ATP8B4: variants seen among roughly 807,000 people sequenced by gnomAD.
The protein encoded by ATP8B4 is probable phospholipid-transporting ATPase IM.
ATP8B4 carries 133 observed loss-of-function variants against 145.6 expected under a neutral mutation model. The ratio of observed to expected loss-of-function variants is 0.91; its 90% CI spans 0.79 to 1.05. The LOEUF is 1.05. ATP8B4 is among the 50% of genes least tolerant of loss of function. ATP8B4 has a pLI of 0.00. For missense variants in ATP8B4, 1,458 were observed against 1,425.2 expected, an observed-to-expected ratio of 1.02 and a Z score of -0.37; for synonymous variants, 507 against 492.9, an observed-to-expected ratio of 1.03 and a Z score of -0.38.
At position 49,914,396 on chromosome 15, in the gene ATP8B4, C is replaced by A. The variant is rs556994285; in HGVS notation, c.2141+2538G>T. On this transcript the variant is annotated intron_variant, in intron 20 of 27. Coordinates refer to ENST00000284509, the MANE Select transcript of ATP8B4 (RefSeq NM_024837.4). Reference sequence around the variant, plus strand: ...CTACTAGAAGATAACATAGGGAAAACAACTTCCAGACACTGGTCTCTAGGC... The same window carrying A: ...CTACTAGAAGATAACATAGGGAAAAAAACTTCCAGACACTGGTCTCTAGGC... Among the ~76,000 whole-genome samples the A allele has an allele frequency of 1.2e-3, 182 of 152,182 alleles. 4 individuals are homozygous for A. The South Asian group carries it at 0.037, about 31-fold the overall frequency.
chr15:50,078,544 T>C (rs1014400403), intron 2 of ATP8B4, among the ~76,000 whole-genome samples: 16 of 147,078 alleles, frequency 1.1e-4, no homozygotes, highest in African/African-American at 4.0e-4. Context: ...AGGAGGAAAA[T>C]GTGAAAAAAA....
intron 2 of ATP8B4, among the ~76,000 whole-genome samples, chr15:50,084,893 T>C (rs2153646010): frequency 6.6e-6 from 1 of 152,290 alleles, no homozygotes; most frequent in African/African-American, 2.4e-5. Context: ...ACCTCCATCA[T>C]TCAGGATATT....
rs759074610 is a variant in ATP8B4 at position 50,049,617 on chromosome 15, T to G, written c.88-2153A>C. Among the ~76,000 whole-genome samples, 5 of 152,200 alleles carry G rather than the reference T, an allele frequency of 3.3e-5. 1 individual carries two copies. Among genetic ancestry groups the G allele is most frequent in the Non-Finnish European group, 7.3e-5 (5 of 68,034 alleles). On this transcript the variant is annotated intron_variant, in intron 3 of 27. Coordinates refer to ENST00000284509, the MANE Select transcript of ATP8B4 (RefSeq NM_024837.4). The stretch of plus-strand genomic sequence containing the variant: ...AATAGTGCCGTAATGAACATACAAG[T>G]GCATGTGTCTTTATGGTAGAACGAT...
chr15:50,071,791 C>G (rs2053754611), intron 3 of ATP8B4, among the ~76,000 whole-genome samples: 1 of 152,152 alleles, frequency 6.6e-6, no homozygotes, highest in African/African-American at 2.4e-5. Context: ...TGATCAGCCT[C>G]CTGAGAGGGA....
At chr15:49,861,394 A>T (rs915328476) in intron 27 of ATP8B4, among the ~76,000 whole-genome samples, 2 of 144,656 alleles carry the variant, frequency 1.4e-5, no homozygotes, top group Non-Finnish European at 3.0e-5. Context: ...CATCATGATT[A>T]AAAAAAAATG....
chr15:50,064,685 C>A (rs1296810871), intron 3 of ATP8B4, among the ~76,000 whole-genome samples: 1 of 152,114 alleles, frequency 6.6e-6, no homozygotes, highest in Non-Finnish European at 1.5e-5. Context: ...AACAAAATAC[C>A]TGAGACTGGT....
chr15:49,917,216 G>A, intron 19 of ATP8B4, 177 bp from the exon 20 acceptor site: 1 of 547,922 alleles, frequency 1.8e-6, no homozygotes, highest in Non-Finnish European at 3.2e-6. Flanking sequence ...AAAGACCTGG[G>A]TTTCAGGATC....
chr15:50,111,764 G>A (rs2056957880), intron 1 of ATP8B4, among the ~76,000 whole-genome samples: 1 of 152,204 alleles, frequency 6.6e-6, no homozygotes, highest in South Asian at 2.1e-4. Context: ...TTTGATATTA[G>A]TTATCTTAAA....
At chr15:49,942,676 T>C (rs2042253155) in intron 14 of ATP8B4, among the ~76,000 whole-genome samples, 1 of 151,382 alleles carries the variant, frequency 6.6e-6, no homozygotes, top group Non-Finnish European at 1.5e-5. Flanking sequence ...ATACAAAAAA[T>C]TAGCTGGACG....
intron 1 of ATP8B4, among the ~76,000 whole-genome samples, chr15:50,160,014 G>GATTTT (rs1567412781): frequency 3.3e-5 from 1 of 29,874 alleles, no homozygotes; most frequent in East Asian, 1.4e-3. Flanking sequence ...TCAGGTCCTG[G>GATTTT]CTTTTTTTTT....
At chr15:49,869,350 T>C (rs2033336309) in intron 25 of ATP8B4, among the ~76,000 whole-genome samples, 1 of 151,708 alleles carries the variant, frequency 6.6e-6, no homozygotes, top group Non-Finnish European at 1.5e-5. Flanking sequence ...ATAATAAAAA[T>C]GAGTAGCTTA....
chr15:49,972,590 C>A lies in ATP8B4; in HGVS notation c.1235G>T (p.Arg412Ile). Residue 412 changes from arginine (R) to isoleucine (I), a missense_variant, in exon 13 of 28, where the codon AGA becomes ATA. Arg to Ile is a moderately conservative substitution (Grantham distance 97). Transcript: ENST00000284509. ...GGAACTGTTTCTCTTACCATAGATT[C>A]TCCCATTAATGGAACATCTTTTAAA... Reference protein sequence around the residue: ...MTFKRCSINGRIYGEVHDDLD... With the variant: ...MTFKRCSINGIIYGEVHDDLD... 1.9e-6 allele frequency: 3 copies of A among 1,612,096 alleles called. No homozygotes were observed. Among genetic ancestry groups the A allele is most frequent in the Non-Finnish European group, 2.5e-6 (3 of 1,178,482 alleles).
intron 2 of ATP8B4, among the ~76,000 whole-genome samples, chr15:50,084,216 G>A (rs1324321200): frequency 6.6e-6 from 1 of 152,114 alleles, no homozygotes. Context: ...ACTAAAAGAG[G>A]ACATCACCAC....
intron 16 of ATP8B4, among the ~76,000 whole-genome samples, chr15:49,924,458 C>T (rs28454245): frequency 2.6e-5 from 4 of 152,158 alleles, no homozygotes; most frequent in Non-Finnish European, 4.4e-5. Context: ...TCATTACATG[C>T]TTTCTACTCA....
intron 1 of ATP8B4, among the ~76,000 whole-genome samples, chr15:50,124,835 A>C (rs1218630573): frequency 6.6e-6 from 1 of 152,154 alleles, no homozygotes; most frequent in East Asian, 1.9e-4. Context: ...ATACTATCTG[A>C]ACCATGTGTT....
At chr15:49,996,831 TG>T in intron 8 of ATP8B4, 72 bp from the exon 9 acceptor site, 1 of 1,258,952 alleles carries the variant, frequency 7.9e-7, no homozygotes, top group East Asian at 2.5e-5. Flanking sequence ...AGCAATCAGG[TG>T]GGTGTAGCAC....
intron 2 of ATP8B4, among the ~76,000 whole-genome samples, chr15:50,089,069 A>C (rs56654392): frequency 0.027 from 4,086 of 152,292 alleles, 180 homozygotes; most frequent in African/African-American, 0.095. Flanking sequence ...AGAACTGGCT[A>C]GCCATATGCA....
chr15:50,013,517 T>C (rs192530114), intron 6 of ATP8B4, among the ~76,000 whole-genome samples: 2 of 152,236 alleles, frequency 1.3e-5, no homozygotes, highest in Admixed American at 6.5e-5. Flanking sequence ...TATTTCAGAG[T>C]ATAAAACTCT....
chr15:50,021,085 G>A (rs558625920), intron 6 of ATP8B4, among the ~76,000 whole-genome samples: 1 of 152,222 alleles, frequency 6.6e-6, no homozygotes, highest in African/African-American at 2.4e-5. Context: ...GTGTGTGCAT[G>A]TGTGTCTGAA....
Sources: gnomAD v4.1 joint callset for allele counts (sites outside exome capture counted in the v4.1 genomes callset) on GRCh38, gnomAD v4.1.1 for gene constraint, MANE v1.5 for transcripts, NCBI Gene and HGNC (gene_info 2026-07-23, HGNC 2026-07-21) for gene names.